Variants in PCDHA8 observed in about 807,000 individuals in gnomAD.
PCDHA8 encodes protocadherin alpha 8.
In PCDHA8, 53 loss-of-function variants were observed where a neutral mutation model predicts 61.8. The observed-to-expected ratio is 0.86, with a 90% confidence interval of 0.69 to 1.08. The LOEUF is 1.08. Among genes scored for constraint, PCDHA8 ranks in the 50% least tolerant of loss-of-function variants. The pLI, the probability that PCDHA8 is intolerant of heterozygous loss-of-function variation, is 0.00. For synonymous variants in PCDHA8, 618 were observed against 556.6 expected (o/e 1.11, Z -1.55); for missense variants, 1,293 against 1,245.0 (o/e 1.04, Z -0.58).
In PCDHA8 at chr5:140,856,011, C is replaced by G. The variant is rs782812320; in HGVS notation, c.2394+12296C>G. On this transcript the variant is annotated intron_variant, in intron 1 of 3. Transcript: ENST00000531613. Reference sequence around the variant, plus strand: ...GTCAGATCGTATGTGCGTTCTAGACCGCTGATTCGTCGATTTGTAAAACAA... The same window carrying G: ...GTCAGATCGTATGTGCGTTCTAGACGGCTGATTCGTCGATTTGTAAAACAA... The G allele has an allele frequency of 1.4e-5, 22 of 1,546,178 alleles. 1 individual carries two copies. The highest frequency in any genetic ancestry group is 1.7e-4 in the Middle Eastern group (1 of 5,742).
Position 140,908,048 on chromosome 5 carries a change from C to T in PCDHA8, c.2394+64333C>T, listed in dbSNP as rs143198443. On this transcript the variant is annotated intron_variant, in intron 1 of 3. Transcript: ENST00000531613. The stretch of plus-strand genomic sequence containing the variant: ...ATTAATCAGTATATAATTGCACATC[C>T]GGCCATTTCTCCTTCATGAAAAGTG... 1.1e-3 allele frequency among the ~76,000 whole-genome samples: 169 copies of T among 152,294 alleles called. 1 individual carries two copies. The East Asian group carries it at 0.023, about 21-fold the overall frequency.
chr5:140,927,897 T>C (rs907878286), intron 1 of PCDHA8: 1 of 1,614,086 alleles, frequency 6.2e-7, no homozygotes, highest in African/African-American at 1.3e-5. Context: ...ACGTGAACGA[T>C]CATGCCCCCG....
intron 1 of PCDHA8, chr5:140,876,644 C>G: frequency 2.5e-6 from 4 of 1,614,200 alleles, no homozygotes; most frequent in Non-Finnish European, 3.4e-6. Context: ...TCACTGACAC[C>G]TCATGTTCCC....
intron 1 of PCDHA8, among the ~76,000 whole-genome samples, chr5:140,944,008 C>T (rs1253527034): frequency 1.3e-5 from 2 of 152,054 alleles, no homozygotes; most frequent in Non-Finnish European, 2.9e-5. Context: ...GAGTACCCCC[C>T]AAAAGCAATT....
chr5:140,886,097 A>C (rs1341108712), intron 1 of PCDHA8, among the ~76,000 whole-genome samples: 1 of 152,214 alleles, frequency 6.6e-6, no homozygotes, highest in Admixed American at 6.5e-5. Context: ...ATTGACATTG[A>C]TACAGTAAAG....
At chr5:140,987,515 T>TA (rs2097257557) in intron 3 of PCDHA8, among the ~76,000 whole-genome samples, 1 of 152,160 alleles carries the variant, frequency 6.6e-6, no homozygotes, top group African/African-American at 2.4e-5. Flanking sequence ...TGCCACTCAG[T>TA]AATTGTATGT....
Position 140,870,110 on chromosome 5 carries a change from G to A in PCDHA8, c.2394+26395G>A, listed in dbSNP as rs570133503. 6 of 1,613,896 alleles carry A rather than the reference G, an allele frequency of 3.7e-6. No individual in the cohort carries two copies. In the South Asian group the frequency reaches 6.6e-5, roughly 18 times the overall value. On this transcript the variant is annotated intron_variant, in intron 1 of 3. Coordinates refer to ENST00000531613, the MANE Select transcript of PCDHA8 (RefSeq NM_018911.3). ...CCAATGGCAGGTCACTGTACAGTCT[G>A]GGTGGAAATCTTGGACACCAACGAT... is the stretch of plus-strand genomic sequence containing the variant.
chr5:140,941,201 TC>T (rs1462646812), intron 1 of PCDHA8, among the ~76,000 whole-genome samples: 2 of 103,500 alleles, frequency 1.9e-5, no homozygotes, highest in African/African-American at 7.9e-5. Context: ...TTTTCTTTCT[TC>T]CTTTCTTTCT....
intron 1 of PCDHA8, among the ~76,000 whole-genome samples, chr5:140,963,050 G>A (rs2095732681): frequency 6.6e-6 from 1 of 152,030 alleles, no homozygotes; most frequent in African/African-American, 2.4e-5. Flanking sequence ...AGTCTATAAG[G>A]GTTTCTACAT....
chr5:141,010,276 TTGA>T lies in PCDHA8; in HGVS notation c.*343_*345del, dbSNP rs1554262867. On this transcript the variant is annotated 3_prime_UTR_variant, in exon 4 of 4. Transcript: ENST00000531613. ...TGCCCTGTGCTCCGGGGATCCTGTC[TTGA>T]TGACACTTGCAGGGCAGGCTGAAAA... is the stretch of plus-strand genomic sequence containing the variant. The T allele has an allele frequency of 4.5e-6, 7 of 1,551,580 alleles. No individual in the cohort carries two copies. The highest frequency in any genetic ancestry group is 6.1e-6 in the Non-Finnish European group (7 of 1,146,976).
At chr5:140,968,263 G>A (rs782272055) in intron 1 of PCDHA8, 20 of 1,613,978 alleles carry the variant, frequency 1.2e-5, no homozygotes, top group Middle Eastern at 3.3e-4. Flanking sequence ...CAGATGAAAA[G>A]GAGAATGCAG....
In PCDHA8 at chr5:140,982,522, G is replaced by A; in HGVS notation, c.2501G>A (p.Gly834Glu). Residue 834 changes from glycine to glutamate, a missense_variant, in exon 3 of 4, where the codon GGG (glycine) becomes GAG (glutamate). Coordinates refer to ENST00000531613, the MANE Select transcript of PCDHA8 (RefSeq NM_018911.3). ...GGCATTCTACGGGCTGGTCCAGGAG[G>A]GCCTGATCAGCAGTGGCCAACAGTA... ...EAGILRAGPG[G>E]PDQQWPTVSS... 2.5e-6 allele frequency: 4 copies of A among 1,614,182 alleles called. No homozygotes were observed. Among genetic ancestry groups the A allele is most frequent in the Non-Finnish European group, 3.4e-6 (4 of 1,180,032 alleles).
intron 1 of PCDHA8, among the ~76,000 whole-genome samples, chr5:140,933,174 A>G (rs1400055066): frequency 2.0e-5 from 3 of 151,742 alleles, no homozygotes; most frequent in Non-Finnish European, 3.0e-5. Context: ...AATTGATGGC[A>G]TAAGATAATG....
At chr5:140,954,221 T>C (rs1237648662) in intron 1 of PCDHA8, among the ~76,000 whole-genome samples, 2 of 152,252 alleles carry the variant, frequency 1.3e-5, no homozygotes, top group African/African-American at 4.8e-5. Flanking sequence ...TTTTTGCTAT[T>C]GTGAATAGTG....
At chr5:140,876,970 G>A in intron 1 of PCDHA8, 4 of 1,612,850 alleles carry the variant, frequency 2.5e-6, no homozygotes, top group Non-Finnish European at 3.4e-6. Flanking sequence ...GCGGCGGGTG[G>A]GCGAGCACGC....
At chr5:140,950,159 T>C (rs983239055) in intron 1 of PCDHA8, among the ~76,000 whole-genome samples, 3 of 151,972 alleles carry the variant, frequency 2.0e-5, no homozygotes, top group Non-Finnish European at 4.4e-5. Flanking sequence ...AAGCAGTTAT[T>C]ATGTACTTTA....
At chr5:140,943,257 CAA>C (rs1238620023) in intron 1 of PCDHA8, among the ~76,000 whole-genome samples, 5 of 77,564 alleles carry the variant, frequency 6.4e-5, no homozygotes, top group Non-Finnish European at 2.5e-5. Flanking sequence ...GACTCTGTCT[CAA>C]AAAAAAAAAA....
chr5:140,895,820 T>A (rs1409721318), intron 1 of PCDHA8, among the ~76,000 whole-genome samples: 2 of 152,156 alleles, frequency 1.3e-5, no homozygotes, highest in Non-Finnish European at 2.9e-5. Context: ...TATTGTATTG[T>A]ATTTTTTTCA....
intron 1 of PCDHA8, among the ~76,000 whole-genome samples, chr5:140,972,289 G>A (rs548610825): frequency 1.5e-3 from 229 of 151,134 alleles, no homozygotes; most frequent in Non-Finnish European, 2.1e-3. Flanking sequence ...ATAGATGTGC[G>A]CCACCGTGTC....
Sources: allele counts gnomAD v4.1 joint callset (sites outside exome capture counted in the v4.1 genomes callset), GRCh38; gene constraint gnomAD v4.1.1; transcripts MANE v1.5; gene names NCBI Gene and HGNC (gene_info 2026-07-23, HGNC 2026-07-21).